The following CTNNA3 variants were observed in gnomAD, a reference collection of about 807,000 sequenced individuals.
CTNNA3 encodes catenin alpha 3, also known as catenin alpha-3.
In CTNNA3, 76 loss-of-function variants were observed where a neutral mutation model predicts 95.7. The ratio of observed to expected loss-of-function variants is 0.79; its 90% CI spans 0.66 to 0.96. The LOEUF is 0.96. CTNNA3 is among the 40% of genes least tolerant of loss of function. The pLI, the probability that CTNNA3 is intolerant of heterozygous loss-of-function variation, is 0.00. For missense variants in CTNNA3, 1,191 were observed against 1,089.8 expected (o/e 1.09, Z -1.31); for synonymous variants, 431 against 374.4 (o/e 1.15, Z -1.74).
chr10:67,477,321 C>T (rs559085687), intron 5 of CTNNA3, among the ~76,000 whole-genome samples: 72 of 152,074 alleles, frequency 4.7e-4, no homozygotes, highest in African/African-American at 1.6e-3. Flanking sequence ...GGGCCTACCC[C>T]GTATGGCCCC....
At chr10:67,119,143 T>C (rs571417092) in intron 7 of CTNNA3, among the ~76,000 whole-genome samples, 1 of 152,072 alleles carries the variant, frequency 6.6e-6, no homozygotes, top group Non-Finnish European at 1.5e-5. Context: ...GCAAATCCAC[T>C]GACAGAATGA....
chr10:67,162,541 A>T (rs1013222976), intron 7 of CTNNA3, among the ~76,000 whole-genome samples: 2 of 151,970 alleles, frequency 1.3e-5, no homozygotes, highest in Non-Finnish European at 2.9e-5. Flanking sequence ...TTGAGTTTTT[A>T]AAAAAAGAGG....
At chr10:67,441,206 G>C (rs1846498590) in intron 5 of CTNNA3, among the ~76,000 whole-genome samples, 1 of 148,940 alleles carries the variant, frequency 6.7e-6, no homozygotes. Flanking sequence ...TGGTCAATCA[G>C]AAGAAAGAAT....
At chr10:66,010,399 G>A (rs1373218554) in intron 15 of CTNNA3, among the ~76,000 whole-genome samples, 1 of 152,138 alleles carries the variant, frequency 6.6e-6, no homozygotes, top group Non-Finnish European at 1.5e-5. Context: ...ATTATTTTTA[G>A]GGGCTTTTTA....
chr10:65,917,930 G>A lies in CTNNA3; in HGVS notation c.*2400C>T, dbSNP rs1198979224. Reference sequence around the variant, plus strand: ...GCTGCCTACTACAGGAATTCACTCAGGTGGACAGATGCCTTTTTCAGCTCT... The same window carrying A: ...GCTGCCTACTACAGGAATTCACTCAAGTGGACAGATGCCTTTTTCAGCTCT... On this transcript the variant is annotated 3_prime_UTR_variant, in exon 18 of 18. Transcript: ENST00000433211. 6.6e-6 allele frequency: 1 copy of A among 152,140 alleles called. No individual in the cohort carries two copies. Among genetic ancestry groups the A allele is most frequent in the Non-Finnish European group, 1.5e-5 (1 of 68,018 alleles). 9.4% of individuals were successfully genotyped at this position (152,140 alleles called of 1,614,324 possible). A position where few individuals can be genotyped will look rare whatever the true frequency, so the allele number is the denominator to read the frequency against.
chr10:66,459,527 C>T (rs2131843805), intron 11 of CTNNA3, among the ~76,000 whole-genome samples: 1 of 152,266 alleles, frequency 6.6e-6, no homozygotes, highest in Non-Finnish European at 1.5e-5. Flanking sequence ...ACATCCTCAC[C>T]AGTACTTTAT....
chr10:66,261,527 T>C (rs756890772), intron 13 of CTNNA3, among the ~76,000 whole-genome samples: 4 of 152,130 alleles, frequency 2.6e-5, no homozygotes, highest in Non-Finnish European at 4.4e-5. Context: ...CTTGTCTTTC[T>C]GTTAGTATGA....
intron 11 of CTNNA3, among the ~76,000 whole-genome samples, chr10:66,465,060 AAG>A (rs1278453497): frequency 6.6e-6 from 1 of 152,164 alleles, no homozygotes. Flanking sequence ...TTTCAGAAAC[AAG>A]AGACTGCCTA....
chr10:66,721,182 G>C (rs1428372643), intron 9 of CTNNA3, among the ~76,000 whole-genome samples: 2 of 152,126 alleles, frequency 1.3e-5, no homozygotes, highest in African/African-American at 4.8e-5. Flanking sequence ...CTCACGGAAA[G>C]AGACCCAAGG....
intron 7 of CTNNA3, among the ~76,000 whole-genome samples, chr10:66,901,385 A>T (rs1305163424): frequency 6.6e-6 from 1 of 152,224 alleles, no homozygotes; most frequent in Non-Finnish European, 1.5e-5. Flanking sequence ...AGCACTAAAC[A>T]TGGAAAGGAA....
intron 9 of CTNNA3, among the ~76,000 whole-genome samples, chr10:66,668,422 A>ATATG (rs1554832734): frequency 0.14 from 20,761 of 146,868 alleles, 1,651 homozygotes; most frequent in East Asian, 0.39. Context: ...CAACTCTCAT[A>ATATG]TGTGTGTGTG....
At chr10:66,120,442 T>C (rs1209617551) in intron 13 of CTNNA3, among the ~76,000 whole-genome samples, 2 of 152,150 alleles carry the variant, frequency 1.3e-5, no homozygotes, top group African/African-American at 4.8e-5. Flanking sequence ...TGTAGAAAAT[T>C]TGTCCTGGTC....
intron 13 of CTNNA3, among the ~76,000 whole-genome samples, chr10:66,210,177 T>A (rs1589739206): frequency 6.6e-6 from 1 of 151,792 alleles, no homozygotes. Context: ...TGATAAGGAA[T>A]CTTTAGGCAT....
At chr10:66,432,527 G>A (rs1188011585) in intron 11 of CTNNA3, among the ~76,000 whole-genome samples, 1 of 151,948 alleles carries the variant, frequency 6.6e-6, no homozygotes, top group Non-Finnish European at 1.5e-5. Flanking sequence ...GCGTAGTGGT[G>A]GCAGGTGCCT....
chr10:67,178,163 T>C (rs1862333793), intron 7 of CTNNA3, among the ~76,000 whole-genome samples: 1 of 152,126 alleles, frequency 6.6e-6, no homozygotes, highest in Non-Finnish European at 1.5e-5. Context: ...CCACCCTTTA[T>C]TCCTTGTGGG....
At chr10:66,065,880 T>G (rs1313672653) in intron 15 of CTNNA3, among the ~76,000 whole-genome samples, 1 of 152,112 alleles carries the variant, frequency 6.6e-6, no homozygotes, top group Non-Finnish European at 1.5e-5. Flanking sequence ...TTTATTTTTT[T>G]GAGACAGAGT....
At chr10:66,606,482 T>C (rs1409921238) in intron 10 of CTNNA3, among the ~76,000 whole-genome samples, 9 of 152,134 alleles carry the variant, frequency 5.9e-5, no homozygotes, top group Admixed American at 5.9e-4. Context: ...CATCACCACA[T>C]GGCACATACC....
chr10:66,354,039 T>C (rs769137649), intron 12 of CTNNA3, among the ~76,000 whole-genome samples: 9 of 152,096 alleles, frequency 5.9e-5, no homozygotes, highest in African/African-American at 1.9e-4. Context: ...TCCCAGCAGT[T>C]TGGGAAGCCA....
intron 15 of CTNNA3, among the ~76,000 whole-genome samples, chr10:66,009,244 C>T (rs2078958612): frequency 6.6e-6 from 1 of 152,124 alleles, no homozygotes; most frequent in Non-Finnish European, 1.5e-5. Flanking sequence ...AAGAGAAGTG[C>T]CAATTCTGAC....
Sources: allele counts gnomAD v4.1 joint callset (sites outside exome capture counted in the v4.1 genomes callset), GRCh38; gene constraint gnomAD v4.1.1; transcripts MANE v1.5; gene names NCBI Gene and HGNC (gene_info 2026-07-23, HGNC 2026-07-21).